The following FAM227B variants were observed in gnomAD, a reference collection of about 807,000 sequenced individuals.
FAM227B encodes the protein protein FAM227B.
FAM227B carries 88 observed loss-of-function variants against 73.8 expected under a neutral mutation model. That is an observed-to-expected ratio of 1.19 (90% CI 1.00 to 1.42). The LOEUF (loss-of-function observed/expected upper bound fraction) is 1.42. FAM227B is among the 40% of genes most tolerant of loss of function. The pLI is 0.00. For missense variants in FAM227B, 632 were observed against 590.9 expected, an observed-to-expected ratio of 1.07 and a Z score of -0.72; for synonymous variants, 210 against 190.5, an observed-to-expected ratio of 1.10 and a Z score of -0.84.
At chr15:49,526,759 T>C (rs1023463654) in intron 10 of FAM227B, among the ~76,000 whole-genome samples, 1 of 152,062 alleles carries the variant, frequency 6.6e-6, no homozygotes, top group African/African-American at 2.4e-5. Context: ...CAGAGACTAT[T>C]TTGAACATCT....
At chr15:49,502,929 C>A (rs984245504) in intron 11 of FAM227B, among the ~76,000 whole-genome samples, 2 of 152,074 alleles carry the variant, frequency 1.3e-5, no homozygotes, top group African/African-American at 4.8e-5. Context: ...AACACAAAAT[C>A]TGGTTGTTTA....
intron 9 of FAM227B, among the ~76,000 whole-genome samples, chr15:49,547,720 A>G (rs1333401884): frequency 6.6e-6 from 1 of 152,250 alleles, no homozygotes; most frequent in African/African-American, 2.4e-5. Flanking sequence ...CAGTTAAAAA[A>G]GACAAAGAGA....
chr15:49,583,802 A>G (rs1240869648), intron 5 of FAM227B, among the ~76,000 whole-genome samples: 3 of 152,162 alleles, frequency 2.0e-5, no homozygotes, highest in Non-Finnish European at 1.5e-5. Flanking sequence ...CCCTCCCAAG[A>G]CTGAGCCAAA....
chr15:49,578,732 T>C (rs534085015), intron 5 of FAM227B, among the ~76,000 whole-genome samples: 1 of 152,028 alleles, frequency 6.6e-6, no homozygotes, highest in Non-Finnish European at 1.5e-5. Flanking sequence ...TTAGGAAAAA[T>C]GAGATCAAAT....
intron 13 of FAM227B, among the ~76,000 whole-genome samples, chr15:49,361,569 A>T (rs1442627732): frequency 6.6e-6 from 1 of 152,166 alleles, no homozygotes; most frequent in Non-Finnish European, 1.5e-5. Context: ...GCTGCAAAGG[A>T]CATGATCTTG....
chr15:49,335,818 C>G (rs1596258989), intron 13 of FAM227B, among the ~76,000 whole-genome samples: 3 of 152,320 alleles, frequency 2.0e-5, no homozygotes, highest in African/African-American at 4.8e-5. Flanking sequence ...TTAAAAATTA[C>G]CAAAATATTA....
chr15:49,406,716 G>A (rs1352071263), intron 11 of FAM227B, among the ~76,000 whole-genome samples: 3 of 151,198 alleles, frequency 2.0e-5, no homozygotes, highest in East Asian at 3.9e-4. Flanking sequence ...ACAGAGACGT[G>A]CACACACACA....
intron 3 of FAM227B, among the ~76,000 whole-genome samples, chr15:49,605,029 T>C (rs1177524653): frequency 6.6e-6 from 1 of 152,142 alleles, no homozygotes; most frequent in African/African-American, 2.4e-5. Context: ...AGGCAGTTTG[T>C]AGATCTCTAT....
intron 10 of FAM227B, among the ~76,000 whole-genome samples, chr15:49,522,976 T>C (rs1344440034): frequency 6.6e-6 from 1 of 152,158 alleles, no homozygotes; most frequent in African/African-American, 2.4e-5. Context: ...CACTAAAGCA[T>C]ACAGTAATCA....
intron 11 of FAM227B, among the ~76,000 whole-genome samples, chr15:49,506,514 T>C (rs1317802835): frequency 6.6e-6 from 1 of 152,032 alleles, no homozygotes; most frequent in African/African-American, 2.4e-5. Context: ...CAAGTGTACA[T>C]GGAATGTTCA....
At chr15:49,453,741 T>C (rs189119499) in intron 11 of FAM227B, among the ~76,000 whole-genome samples, 1 of 152,290 alleles carries the variant, frequency 6.6e-6, no homozygotes, top group East Asian at 1.9e-4. Flanking sequence ...TGAGCTCTTG[T>C]TACATGTATC....
intron 3 of FAM227B, among the ~76,000 whole-genome samples, chr15:49,609,239 T>G (rs1490969180): frequency 6.6e-6 from 1 of 151,660 alleles, no homozygotes; most frequent in Non-Finnish European, 1.5e-5. Context: ...AAAGGGAATG[T>G]GGGAAATGAT....
At position 49,607,183 on chromosome 15, in the gene FAM227B, T is replaced by C. The variant is rs1264559220; in HGVS notation, c.105+4032A>G. ...TTTGTTCATTTATTAACTGTGCTAA[T>C]AGTAAGATATGAAAATAATACCCAG... On this transcript the variant is annotated intron_variant, in intron 3 of 15. Coordinates refer to ENST00000299338, the MANE Select transcript of FAM227B (RefSeq NM_152647.3). Among the ~76,000 whole-genome samples the C allele has an allele frequency of 2.0e-5, 3 of 152,186 alleles. No homozygotes were observed. In the East Asian group the frequency reaches 5.8e-4, roughly 29 times the overall value.
At chr15:49,583,530 T>C (rs1339199895) in intron 5 of FAM227B, among the ~76,000 whole-genome samples, 1 of 152,154 alleles carries the variant, frequency 6.6e-6, no homozygotes, top group East Asian at 1.9e-4. Flanking sequence ...AATCCACCCG[T>C]TGTTTAGCAT....
At chr15:49,596,486 CAAAACA>C (rs1418952195) in intron 3 of FAM227B, among the ~76,000 whole-genome samples, 2 of 1,662 alleles carry the variant, frequency 1.2e-3, no homozygotes, top group Non-Finnish European at 0.033. Flanking sequence ...ATCTTGAAAA[CAAAACA>C]AAACAAAACA....
chr15:49,562,793 C>T (rs2074360953), intron 9 of FAM227B, among the ~76,000 whole-genome samples: 1 of 152,018 alleles, frequency 6.6e-6, no homozygotes, highest in Non-Finnish European at 1.5e-5. Context: ...TGATAAAATT[C>T]AACATCCCTT....
At chr15:49,524,373 G>A (rs2060001814) in intron 10 of FAM227B, among the ~76,000 whole-genome samples, 1 of 152,168 alleles carries the variant, frequency 6.6e-6, no homozygotes, top group African/African-American at 2.4e-5. Context: ...GCCTCCATGT[G>A]GTGTTGAGCC....
chr15:49,495,373 C>A (rs148913989), intron 11 of FAM227B, among the ~76,000 whole-genome samples: 7 of 152,242 alleles, frequency 4.6e-5, no homozygotes, highest in African/African-American at 1.4e-4. Context: ...TAAATTTCTA[C>A]CAAATTTCCG....
At chr15:49,464,846 C>T (rs1010454797) in intron 11 of FAM227B, among the ~76,000 whole-genome samples, 3 of 152,142 alleles carry the variant, frequency 2.0e-5, no homozygotes, top group Middle Eastern at 3.4e-3. Flanking sequence ...AAAAACTATA[C>T]AGTACAATGG....
Sources: allele counts gnomAD v4.1 joint callset (sites outside exome capture counted in the v4.1 genomes callset), GRCh38; gene constraint gnomAD v4.1.1; transcripts MANE v1.5; gene names NCBI Gene and HGNC (gene_info 2026-07-23, HGNC 2026-07-21).